The following SIDT1 variants were observed in gnomAD, a reference collection of about 807,000 sequenced individuals.
SIDT1 encodes the protein SID1 transmembrane family member 1.
In SIDT1, 101 loss-of-function variants were observed where a neutral mutation model predicts 107.5. That is an observed-to-expected ratio of 0.94 (90% CI 0.80 to 1.11). The LOEUF is 1.11. Ranked by LOEUF, SIDT1 falls within the 50% of genes least tolerant of loss-of-function variation. The probability of loss-of-function intolerance (pLI) is 0.00; values close to 1 mark genes in which losing one functional copy is unlikely to be tolerated. For missense variants in SIDT1, 1,076 were observed against 1,058.2 expected, an observed-to-expected ratio of 1.02 and a Z score of -0.23; for synonymous variants, 395 against 398.2, an observed-to-expected ratio of 0.99 and a Z score of 0.10.
At chr3:113,629,661 A>C (rs1947063774), downstream of SIDT1, 1 of 152,286 alleles carries the variant, frequency 6.6e-6, no homozygotes, top group African/African-American at 2.4e-5. Flanking sequence ...TGTGAACAAC[A>C]AAGTCCATTC....
chr3:113,589,896 T>G (rs978644763), intron 9 of SIDT1: 1 of 153,094 alleles, frequency 6.5e-6, no homozygotes, highest in Non-Finnish European at 1.5e-5. Context: ...ATCTTCTATG[T>G]GCCAGCTATA....
At chr3:113,539,987 A>G (rs1258084606) in intron 1 of SIDT1, among the ~76,000 whole-genome samples, 2 of 150,220 alleles carry the variant, frequency 1.3e-5, no homozygotes, top group African/African-American at 2.5e-5. Context: ...CTGGACAACA[A>G]CAGTGAAACT....
intron 23 of SIDT1, among the ~76,000 whole-genome samples, chr3:113,624,350 A>G (rs927842802): frequency 6.6e-6 from 1 of 152,218 alleles, no homozygotes; most frequent in Admixed American, 6.5e-5. Context: ...TGTAAATGGA[A>G]TCACACAATA....
In SIDT1 at chr3:113,533,811, C is replaced by A. The variant is rs547959934; in HGVS notation, c.222+568C>A. 7.6e-4 allele frequency among the ~76,000 whole-genome samples: 115 copies of A among 152,258 alleles called. No homozygotes were observed. In the South Asian group the frequency reaches 0.021, roughly 28 times the overall value. ...TGTCACACGTTGTGCTTCAGAGACG[C>A]CAGAAGACCTGGGCAAAGACGTGAG... On this transcript the variant is annotated intron_variant, in intron 1 of 24. Transcript: ENST00000264852.
In SIDT1 at chr3:113,608,130, G is replaced by T. The variant is rs139191997; in HGVS notation, c.1515G>T (p.Val505=). The T allele has an allele frequency of 1.9e-6, 3 of 1,612,080 alleles. No homozygotes were observed. Among genetic ancestry groups the T allele is most frequent in the Non-Finnish European group, 2.5e-6 (3 of 1,179,240 alleles). The change falls in exon 16 of 25, where the codon GTG becomes GTT. Residue 505 remains valine, a synonymous_variant. Coordinates refer to ENST00000264852, the MANE Select transcript of SIDT1 (RefSeq NM_017699.3). ...ACATTCTCAGCAATCTGGGCCACGT[G>T]CTTCTGGGCTTCCTCTTCCTGCTGA... ...FNNILSNLGH[V]LLGFLFLLIV...
intron 1 of SIDT1, among the ~76,000 whole-genome samples, chr3:113,562,403 A>T (rs1941516599): frequency 1.3e-5 from 2 of 152,258 alleles, no homozygotes. Flanking sequence ...ACATTCATAC[A>T]AAAATTTGTA....
chr3:113,562,339 C>T (rs1941509254), intron 1 of SIDT1, among the ~76,000 whole-genome samples: 1 of 152,118 alleles, frequency 6.6e-6, no homozygotes, highest in Non-Finnish European at 1.5e-5. Context: ...ATAGAGTTAC[C>T]ATGTCTCCCA....
chr3:113,578,217 G>C (rs539656448), intron 4 of SIDT1, among the ~76,000 whole-genome samples: 14 of 152,354 alleles, frequency 9.2e-5, no homozygotes, highest in Admixed American at 3.3e-4. Context: ...TATAATCCCA[G>C]CACTTTGGGA....
intron 3 of SIDT1, among the ~76,000 whole-genome samples, chr3:113,570,062 T>A (rs1235588751): frequency 2.0e-5 from 3 of 152,104 alleles, no homozygotes; most frequent in Non-Finnish European, 4.4e-5. Flanking sequence ...TGTGCCACCA[T>A]GCCCGGCTAA....
At chr3:113,580,455 G>A (rs1473941165) in intron 4 of SIDT1, among the ~76,000 whole-genome samples, 153 bp from the exon 5 acceptor site, 1 of 152,222 alleles carries the variant, frequency 6.6e-6, no homozygotes, top group African/African-American at 2.4e-5. Flanking sequence ...GCCCTGCGCA[G>A]ATTTAGTTTC....
chr3:113,567,055 A>C (rs952769214), intron 2 of SIDT1, among the ~76,000 whole-genome samples: 13 of 152,352 alleles, frequency 8.5e-5, no homozygotes, highest in African/African-American at 3.1e-4. Context: ...CTAATAAAAA[A>C]AACTTGGAAG....
At chr3:113,608,592 C>A in intron 17 of SIDT1, 56 bp downstream of exon 17, 2 of 1,307,590 alleles carry the variant, frequency 1.5e-6, no homozygotes, top group Non-Finnish European at 2.2e-6. Flanking sequence ...TATCCTGGAA[C>A]CCTCCCCAAA....
At chr3:113,559,015 T>C (rs773537989) in intron 1 of SIDT1, among the ~76,000 whole-genome samples, 1 of 152,258 alleles carries the variant, frequency 6.6e-6, no homozygotes, top group African/African-American at 2.4e-5. Context: ...CACATTTCAG[T>C]TCATTTACTT....
At chr3:113,616,636 T>A (rs1946126449) in intron 20 of SIDT1, among the ~76,000 whole-genome samples, 1 of 152,006 alleles carries the variant, frequency 6.6e-6, no homozygotes, top group Non-Finnish European at 1.5e-5. Context: ...AACCTGCACA[T>A]CCTGCCCATG....
In SIDT1 at chr3:113,608,179, C is replaced by T. The variant is rs773054626; in HGVS notation, c.1564C>T (p.His522Tyr). 6.8e-6 allele frequency: 11 copies of T among 1,609,362 alleles called. No individual in the cohort carries two copies. The highest frequency in any genetic ancestry group is 1.7e-5 in the Admixed American group (1 of 59,094). Reference sequence around the variant, plus strand: ...GATAGTCTTGCGCCGCGACATCCTCCATCGGAGAGCCCTGGAAGCCAAGGA... The same window carrying T: ...GATAGTCTTGCGCCGCGACATCCTCTATCGGAGAGCCCTGGAAGCCAAGGA... ...LLIVLRRDIL[H>Y]RRALEAKDIF... Residue 522 changes from histidine to tyrosine, a missense_variant, in exon 16 of 25, where the codon CAT becomes TAT. Coordinates refer to ENST00000264852, the MANE Select transcript of SIDT1 (RefSeq NM_017699.3).
rs1319314259 is a variant in SIDT1, at chr3:113,626,232, C to G, written c.2421+17C>G. 2.7e-6 allele frequency: 4 copies of G among 1,509,428 alleles called. No individual in the cohort carries two copies. In the Admixed American group the frequency reaches 6.7e-5, roughly 25 times the overall value. The allele number at this position is 1,509,428 out of a possible 1,614,324, so 93.5% of individuals were successfully genotyped here. A position where few individuals can be genotyped will look rare whatever the true frequency, so the allele number is the denominator to read the frequency against. ...TCATTCTTGGTGAGTTCATATCTATCTTTTTGTGACTTTCTTCTCTCTTTA... is the reference window on the plus strand; with the variant it reads ...TCATTCTTGGTGAGTTCATATCTATGTTTTTGTGACTTTCTTCTCTCTTTA... On this transcript the variant is annotated intron_variant, in intron 24 of 24. Transcript: ENST00000264852.
chr3:113,607,984 G>T, intron 15 of SIDT1, 110 bp from the exon 16 acceptor site: 1 of 1,258,616 alleles, frequency 7.9e-7, no homozygotes, highest in African/African-American at 1.5e-5. Flanking sequence ...TTATGGAAAG[G>T]TTAATGGAAA....
At chr3:113,595,707 T>C (rs758319256) in intron 10 of SIDT1, among the ~76,000 whole-genome samples, 1 of 151,868 alleles carries the variant, frequency 6.6e-6, no homozygotes, top group Non-Finnish European at 1.5e-5. Flanking sequence ...CCAGCTTAGG[T>C]AAGAAGTAGG....
At chr3:113,630,746 T>C (rs1368227779), downstream of SIDT1, among the ~76,000 whole-genome samples, 1 of 152,156 alleles carries the variant, frequency 6.6e-6, no homozygotes, top group Non-Finnish European at 1.5e-5. Flanking sequence ...ACCTCCATGA[T>C]TCTACGTGAG....
Sources: gnomAD v4.1 joint callset for allele counts (sites outside exome capture counted in the v4.1 genomes callset) on GRCh38, gnomAD v4.1.1 for gene constraint, MANE v1.5 for transcripts, NCBI Gene and HGNC (gene_info 2026-07-23, HGNC 2026-07-21) for gene names.